MS4A4A: variants seen among roughly 807,000 people sequenced by gnomAD.
MS4A4A encodes membrane spanning 4-domains A4A.
In MS4A4A, 26 loss-of-function variants were observed where a neutral mutation model predicts 28.0. The observed-to-expected ratio is 0.93, with a 90% CI of 0.68 to 1.29. MS4A4A has a LOEUF of 1.29. Among genes scored for constraint, MS4A4A ranks in the 50% most tolerant of loss-of-function variants. The pLI is 0.00. For synonymous variants in MS4A4A, 86 were observed against 100.8 expected, an observed-to-expected ratio of 0.85 and a Z score of 0.88; for missense variants, 290 against 293.1, an observed-to-expected ratio of 0.99 and a Z score of 0.08.
intron 3 of MS4A4A, 68 bp from the exon 4 acceptor site, chr11:60,300,928 ATTAAG>A: frequency 9.2e-6 from 10 of 1,086,128 alleles, no homozygotes; most frequent in Non-Finnish European, 1.3e-5. Context: ...CTAATTTAGA[ATTAAG>A]TTTAGTAAGT....
chr11:60,294,316 T>C (rs2084883761), intron 2 of MS4A4A, among the ~76,000 whole-genome samples: 1 of 152,258 alleles, frequency 6.6e-6, no homozygotes, highest in Admixed American at 6.5e-5. Flanking sequence ...TTTATGTTCT[T>C]ATTGTTAAGT....
In MS4A4A at chr11:60,308,340, T is replaced by A; in HGVS notation, c.*162T>A. The A allele has an allele frequency of 1.8e-6, 1 of 562,166 alleles. No homozygotes were observed. The highest frequency in any genetic ancestry group is 3.0e-6 in the Non-Finnish European group (1 of 336,412). 34.8% of individuals were successfully genotyped at this position (562,166 alleles called of 1,614,324 possible). ...TATGAACTGTGTGTGTATAGAGAGA[T>A]AATAAATTCAAAATTATGTTCTCAT... On this transcript the variant is annotated 3_prime_UTR_variant, in exon 7 of 7. Coordinates refer to ENST00000337908, the MANE Select transcript of MS4A4A (RefSeq NM_148975.3).
At chr11:60,290,226 T>C (rs541437394) in intron 1 of MS4A4A, 35 of 293,326 alleles carry the variant, frequency 1.2e-4, no homozygotes, top group African/African-American at 6.5e-4. Flanking sequence ...TGTATTTAAT[T>C]CCCAGGATTA....
At position 60,308,104 on chromosome 11, in the gene MS4A4A, C is replaced by T; in HGVS notation, c.649-3C>T. ...CACCTTTGGCATTCTGATTGTTTCA[C>T]AGGTTGTGTTAATTCTGCCATCACA... is the stretch of plus-strand genomic sequence containing the variant. On this transcript the variant is annotated splice_region_variant and splice_polypyrimidine_tract_variant and intron_variant, in intron 6 of 6. Coordinates refer to ENST00000337908, the MANE Select transcript of MS4A4A (RefSeq NM_148975.3). The T allele has an allele frequency of 6.2e-7, 1 of 1,613,808 alleles. No homozygotes were observed. The highest frequency in any genetic ancestry group is 2.2e-5 in the East Asian group (1 of 44,866).
At chr11:60,299,195 A>T (rs886723194) in intron 3 of MS4A4A, among the ~76,000 whole-genome samples, 5 of 152,164 alleles carry the variant, frequency 3.3e-5, no homozygotes, top group Admixed American at 2.6e-4. Context: ...AGTTTATGGT[A>T]ATTTTTAGTT....
At chr11:60,300,420 T>C (rs1208651819) in intron 3 of MS4A4A, among the ~76,000 whole-genome samples, 2 of 151,832 alleles carry the variant, frequency 1.3e-5, no homozygotes, top group African/African-American at 4.8e-5. Context: ...ATCAAGACCA[T>C]CCTGGCTAAC....
Position 60,282,795 on chromosome 11 carries a change from A to C in MS4A4A, c.41+2079A>C, listed in dbSNP as rs908176396. 4 of 1,177,248 alleles carry C rather than the reference A, an allele frequency of 3.4e-6. No homozygotes were observed. In the Admixed American group the frequency reaches 1.2e-4, roughly 35 times the overall value. The allele number at this position is 1,177,248 out of a possible 1,614,324, so 72.9% of individuals were successfully genotyped here. ...GCCGAGCTTTTGTTATCAACATTAA[A>C]AATTTTAACTTTATGCTAAGGGTGG... On this transcript the variant is annotated intron_variant, in intron 1 of 6. Coordinates refer to ENST00000337908, the MANE Select transcript of MS4A4A (RefSeq NM_148975.3).
In MS4A4A at chr11:60,302,611, G is replaced by A; in HGVS notation, c.440G>A (p.Gly147Glu). The change falls in exon 5 of 7, where the codon GGG (glycine) becomes GAG (glutamate). Residue 147 changes from glycine to glutamate, a missense_variant. Coordinates refer to ENST00000337908, the MANE Select transcript of MS4A4A (RefSeq NM_148975.3). ...NITSSVLAAS[G>E]ILINTFSLAF... ...ACCAGCTCTGTACTGGCTGCATCAGGGATCTTAATCAACACATTTAGCTTG... is the reference window on the plus strand; with the variant it reads ...ACCAGCTCTGTACTGGCTGCATCAGAGATCTTAATCAACACATTTAGCTTG... The A allele has an allele frequency of 6.2e-7, 1 of 1,614,120 alleles. No homozygotes were observed.
intron 2 of MS4A4A, among the ~76,000 whole-genome samples, chr11:60,292,586 T>C (rs1228835244): frequency 6.6e-6 from 1 of 152,234 alleles, no homozygotes; most frequent in African/African-American, 2.4e-5. Flanking sequence ...ATTTAAAATA[T>C]ATTGAGTTCA....
At position 60,308,250 on chromosome 11, in the gene MS4A4A, A is replaced by G; in HGVS notation, c.*72A>G. ...CTGTGACACAAGAGCCTCACATGAG[A>G]AATTACCAGTATCCAACTTCGATAC... On this transcript the variant is annotated 3_prime_UTR_variant, in exon 7 of 7. Coordinates refer to ENST00000337908, the MANE Select transcript of MS4A4A (RefSeq NM_148975.3). 2 of 1,424,730 alleles carry G rather than the reference A, an allele frequency of 1.4e-6. No homozygotes were observed. Among genetic ancestry groups the G allele is most frequent in the East Asian group, 2.3e-5 (1 of 43,910 alleles). The allele number at this position is 1,424,730 out of a possible 1,614,324, so 88.3% of individuals were successfully genotyped here. A position where few individuals can be genotyped will look rare whatever the true frequency, so the allele number is the denominator to read the frequency against.
At chr11:60,290,862 G>A (rs909064087) in intron 1 of MS4A4A, among the ~76,000 whole-genome samples, 3 of 152,072 alleles carry the variant, frequency 2.0e-5, no homozygotes, top group Admixed American at 6.5e-5. Flanking sequence ...AATTTTTTCA[G>A]AGAAATCTTA....
chr11:60,297,171 G>GT, intron 2 of MS4A4A, 26 bp from the exon 3 acceptor site: 1 of 1,611,208 alleles, frequency 6.2e-7, no homozygotes, highest in Non-Finnish European at 8.5e-7. Context: ...TGGACAATCA[G>GT]TTTTTGCTTT....
rs116637643 is a variant in MS4A4A at position 60,292,285 on chromosome 11, C to G, written c.102C>G (p.Gly34=). 2,490 of 1,607,138 alleles carry G rather than the reference C, an allele frequency of 1.5e-3. 26 individuals are homozygous for G. The African/African-American group carries it at 0.025, about 16-fold the overall frequency. ...TGGAACAGGCCATGCCAGGGGCTGGCCCTGGTGTGCCCCAGCTGGGAAACA... is the reference window on the plus strand; with the variant it reads ...TGGAACAGGCCATGCCAGGGGCTGGGCCTGGTGTGCCCCAGCTGGGAAACA... ...QGMEQAMPGA[G]PGVPQLGNMA... is the part of the protein sequence containing the mutation. The change falls in exon 2 of 7, where the codon GGC becomes GGG. Residue 34 remains glycine (G), a synonymous_variant. Coordinates refer to ENST00000337908, the MANE Select transcript of MS4A4A (RefSeq NM_148975.3).
chr11:60,301,091 A>C, intron 4 of MS4A4A, 34 bp downstream of exon 4: 1 of 1,489,818 alleles, frequency 6.7e-7, no homozygotes, highest in Non-Finnish European at 9.1e-7. Context: ...GTATCAAAAA[A>C]AGGAAGGATT....
Position 60,280,727 on chromosome 11 carries a change from G to A in MS4A4A, c.41+11G>A, listed in dbSNP as rs2135004303. ...CAGGCCTGAAGAAAGGTAGGTCCAGGGACTTGCCTTCCTAGGCTTTCGGGC... is the reference window on the plus strand; with the variant it reads ...CAGGCCTGAAGAAAGGTAGGTCCAGAGACTTGCCTTCCTAGGCTTTCGGGC... On this transcript the variant is annotated intron_variant, in intron 1 of 6. Coordinates refer to ENST00000337908, the MANE Select transcript of MS4A4A (RefSeq NM_148975.3). 2 of 1,613,448 alleles carry A rather than the reference G, an allele frequency of 1.2e-6. No homozygotes were observed. Among genetic ancestry groups the A allele is most frequent in the South Asian group, 2.2e-5 (2 of 91,054 alleles).
rs2084913224 is a variant in MS4A4A at position 60,297,231 on chromosome 11, G to A, written c.236G>A (p.Ser79Asn). The A allele has an allele frequency of 3.7e-6, 6 of 1,613,402 alleles. No homozygotes were observed. In the South Asian group the frequency reaches 6.6e-5, roughly 18 times the overall value. Residue 79 changes from serine (S) to asparagine (N), a missense_variant, in exon 3 of 7, where the codon AGC (serine) becomes AAC (asparagine). Coordinates refer to ENST00000337908, the MANE Select transcript of MS4A4A (RefSeq NM_148975.3). ...ATTCTGACTGCCCTGATGAGCCTTA[G>A]CATGGGAATAACAATGATGTGTATG... ...VQILTALMSL[S>N]MGITMMCMAS... is the part of the protein sequence containing the mutation.
At chr11:60,286,545 C>T (rs143785391) in intron 1 of MS4A4A, among the ~76,000 whole-genome samples, 66 of 152,312 alleles carry the variant, frequency 4.3e-4, no homozygotes, top group African/African-American at 1.5e-3. Context: ...CCGGTCCCTC[C>T]GTTCGGGGTC....
In MS4A4A at chr11:60,308,937, A is replaced by G. The variant is rs537582725; in HGVS notation, c.*759A>G. ...GTATTTGTTAAATACGTTTGTTTTT[A>G]TTGCAGAGCAAAAATAAATCAAATT... On this transcript the variant is annotated 3_prime_UTR_variant, in exon 7 of 7. Transcript: ENST00000337908. 6.6e-6 allele frequency: 1 copy of G among 152,344 alleles called. No homozygotes were observed. Among genetic ancestry groups the G allele is most frequent in the Admixed American group, 6.5e-5 (1 of 15,310 alleles). The allele number at this position is 152,344 out of a possible 1,614,324, so 9.4% of individuals were successfully genotyped here. A position where few individuals can be genotyped will look rare whatever the true frequency, so the allele number is the denominator to read the frequency against.
At chr11:60,292,898 G>T (rs1374368562) in intron 2 of MS4A4A, among the ~76,000 whole-genome samples, 2 of 152,076 alleles carry the variant, frequency 1.3e-5, no homozygotes, top group Non-Finnish European at 2.9e-5. Context: ...TTAAATATAG[G>T]TTTATCACTA....
Sources: allele counts gnomAD v4.1 joint callset (sites outside exome capture counted in the v4.1 genomes callset), GRCh38; gene constraint gnomAD v4.1.1; transcripts MANE v1.5; gene names NCBI Gene and HGNC (gene_info 2026-07-23, HGNC 2026-07-21).